ANKRD36C: variants seen among roughly 807,000 people sequenced by gnomAD.
The protein encoded by ANKRD36C is ankyrin repeat domain-containing protein 36C.
A neutral mutation model predicts 276.4 loss-of-function variants in ANKRD36C; 61 were observed. The observed-to-expected ratio is 0.22, with a 90% CI of 0.18 to 0.27. The LOEUF is 0.27. Ranked by LOEUF, ANKRD36C falls within the 10% of genes least tolerant of loss-of-function variation. The pLI is 1.00. For synonymous variants in ANKRD36C, 483 were observed against 680.1 expected (o/e 0.71, Z 4.51); for missense variants, 1,447 against 2,032.3 (o/e 0.71, Z 5.54).
At chr2:95,893,468 T>C in intron 44 of ANKRD36C, 65 bp downstream of exon 64, 1 of 1,527,440 alleles carries the variant, frequency 6.5e-7, no homozygotes, top group Non-Finnish European at 8.8e-7. Flanking sequence ...CGCTGATTTA[T>C]TTGGGGAAGG....
chr2:95,914,342 A>G lies in ANKRD36C; in HGVS notation c.2450-39T>C, dbSNP rs776687223. 9 of 1,542,378 alleles carry G rather than the reference A, an allele frequency of 5.8e-6. No homozygotes were observed. In the Admixed American group the frequency reaches 1.6e-4, roughly 27 times the overall value. On this transcript the variant is annotated intron_variant, in intron 38 of 66. Coordinates refer to ENST00000456556, the Ensembl canonical transcript of ANKRD36C. Reference sequence around the variant, plus strand: ...GGGATTCATAATCACTCATATGTAAAAATGACAAAATTATCCATACATTCA... The same window carrying G: ...GGGATTCATAATCACTCATATGTAAGAATGACAAAATTATCCATACATTCA...
intron 12 of ANKRD36C, among the ~76,000 whole-genome samples, chr2:95,958,036 A>G (rs1266037493): frequency 6.6e-6 from 1 of 152,252 alleles, no homozygotes; most frequent in Non-Finnish European, 1.5e-5. Context: ...AAACATTCTA[A>G]ATGCATCTGA....
intron 44 of ANKRD36C, among the ~76,000 whole-genome samples, chr2:95,896,886 C>G (rs1035269987): frequency 1.3e-5 from 2 of 149,354 alleles, no homozygotes; most frequent in Non-Finnish European, 3.0e-5. Context: ...CGGGTTGTTA[C>G]AACAAGCTTT....
intron 34 of ANKRD36C, among the ~76,000 whole-genome samples, chr2:95,920,813 T>C (rs1420966656): frequency 6.7e-6 from 1 of 150,094 alleles, no homozygotes; most frequent in Non-Finnish European, 1.5e-5. Context: ...TAAAGAAGTT[T>C]CATGAAATAG....
At chr2:95,890,853 G>T (rs560456567) in intron 46 of ANKRD36C, among the ~76,000 whole-genome samples, 2 of 151,356 alleles carry the variant, frequency 1.3e-5, no homozygotes, top group Non-Finnish European at 3.0e-5. Flanking sequence ...TTTTTGGGAG[G>T]ACCATGTTAT....
chr2:95,888,153 A>C (rs763244587), intron 48 of ANKRD36C, 33 bp from the exon 69 acceptor site: 2 of 1,607,336 alleles, frequency 1.2e-6, no homozygotes, highest in East Asian at 4.5e-5. Context: ...AATCACTCAT[A>C]TGTAAATATG....
chr2:95,912,460 T>A (rs560426735), intron 40 of ANKRD36C, 25 bp from the exon 43 acceptor site: 1 of 1,604,804 alleles, frequency 6.2e-7, no homozygotes, highest in South Asian at 1.1e-5. Flanking sequence ...GGATACATAA[T>A]CACTCACACG....
In ANKRD36C at chr2:95,929,281, G is replaced by T. The variant is rs1397467861; in HGVS notation, c.1736-14C>A. On this transcript the variant is annotated splice_polypyrimidine_tract_variant and intron_variant, in intron 24 of 66. Transcript: ENST00000456556. ...TCTGAGAAGACACTGAAAAGCAAAA[G>T]GGATACATAATCAATCATATGTAAA... The T allele has an allele frequency of 8.2e-6, 13 of 1,591,466 alleles. No individual in the cohort carries two copies. In the East Asian group the frequency reaches 2.7e-4, roughly 33 times the overall value.
intron 59 of ANKRD36C, among the ~76,000 whole-genome samples, chr2:95,874,709 C>T (rs2104305726): frequency 6.6e-6 from 1 of 152,260 alleles, no homozygotes; most frequent in African/African-American, 2.4e-5. Context: ...AGCTTCTGCA[C>T]AGCAAAAGAA....
chr2:95,855,718 G>A (rs1441262180), exon 63 of ANKRD36C: 7 of 1,612,928 alleles, frequency 4.3e-6, no homozygotes, highest in Non-Finnish European at 5.1e-6. Context: ...GAAAGTTGCA[G>A]AGAAAGAATC....
At position 95,916,068 on chromosome 2, in the gene ANKRD36C, AAC is replaced by A. The variant is rs745641297; in HGVS notation, c.2377-18_2377-17del. 1.9e-6 allele frequency: 3 copies of A among 1,595,276 alleles called. No individual in the cohort carries two copies. The highest frequency in any genetic ancestry group is 2.6e-6 in the Non-Finnish European group (3 of 1,172,658). On this transcript the variant is annotated splice_polypyrimidine_tract_variant and intron_variant, in intron 37 of 66. Transcript: ENST00000456556. Reference sequence around the variant, plus strand: ...CACTTGTAGCCTGAATGGAATTTGAAACAAAATAATAAATAAGGTATGTTTCA... The same window carrying A: ...CACTTGTAGCCTGAATGGAATTTGAAAAAATAATAAATAAGGTATGTTTCA...
At chr2:95,914,557 G>A (rs189056951) in intron 38 of ANKRD36C, among the ~76,000 whole-genome samples, 15 of 151,486 alleles carry the variant, frequency 9.9e-5, no homozygotes, top group African/African-American at 2.4e-4. Flanking sequence ...AAATAAAACC[G>A]TGTCAATCTC....
intron 44 of ANKRD36C, among the ~76,000 whole-genome samples, chr2:95,894,837 T>C (rs1676489331): frequency 6.6e-6 from 1 of 151,266 alleles, no homozygotes; most frequent in Admixed American, 6.6e-5. Flanking sequence ...ATATTGTTTA[T>C]GGAAATGTTC....
chr2:95,863,112 G>A (rs1004235319), intron 60 of ANKRD36C, among the ~76,000 whole-genome samples: 3 of 152,116 alleles, frequency 2.0e-5, no homozygotes, highest in East Asian at 1.9e-4. Flanking sequence ...AGGCTGCTCC[G>A]AATAAAAGAA....
At chr2:95,949,806 G>T (rs574382512) in intron 16 of ANKRD36C, among the ~76,000 whole-genome samples, 1 of 152,414 alleles carries the variant, frequency 6.6e-6, no homozygotes, top group Admixed American at 6.5e-5. Context: ...ATTTTGTTTA[G>T]TCTCTAGGAT....
intron 46 of ANKRD36C, 81 bp downstream of exon 66, chr2:95,891,584 A>C: frequency 6.8e-7 from 1 of 1,473,266 alleles, no homozygotes; most frequent in South Asian, 1.3e-5. Context: ...GCTTCAACGA[A>C]CCCCCCGCTG....
chr2:95,849,786 TGAGA>T (rs1471642980), downstream of ANKRD36C, among the ~76,000 whole-genome samples: 2 of 152,170 alleles, frequency 1.3e-5, no homozygotes, highest in African/African-American at 4.8e-5. Context: ...TTCACTCCTG[TGAGA>T]ATCTAATGGC....
At chr2:95,947,717 T>A (rs544990953) in intron 17 of ANKRD36C, among the ~76,000 whole-genome samples, 1 of 152,226 alleles carries the variant, frequency 6.6e-6, no homozygotes, top group East Asian at 1.9e-4. Context: ...ATTCTTCAAT[T>A]AGATAAAGAG....
At chr2:95,958,471 T>C in intron 12 of ANKRD36C, 120 bp downstream of exon 12, 1 of 1,333,110 alleles carries the variant, frequency 7.5e-7, no homozygotes, top group Non-Finnish European at 1.0e-6. Context: ...AAATGCAGAA[T>C]CTCAGGCCCG....
Sources: gnomAD v4.1 joint callset for allele counts (sites outside exome capture counted in the v4.1 genomes callset) on GRCh38, gnomAD v4.1.1 for gene constraint, MANE v1.5 for transcripts, NCBI Gene and HGNC (gene_info 2026-07-23, HGNC 2026-07-21) for gene names.